PPM1E: variants seen among roughly 807,000 people sequenced by gnomAD.
The protein encoded by PPM1E is protein phosphatase, Mg2+/Mn2+ dependent 1E.
A neutral mutation model predicts 65.9 loss-of-function variants in PPM1E; 20 were observed. That is an observed-to-expected ratio of 0.30 (90% confidence interval 0.21 to 0.44). PPM1E has a LOEUF of 0.44. Among genes scored for constraint, PPM1E ranks in the 20% least tolerant of loss-of-function variants. PPM1E has a pLI of 1.00. For synonymous variants in PPM1E, 352 were observed against 374.9 expected (o/e 0.94, Z 0.70); for missense variants, 713 against 953.1 (o/e 0.75, Z 3.32).
chr17:58,836,893 G>A (rs562907895), intron 1 of PPM1E, among the ~76,000 whole-genome samples: 9 of 149,972 alleles, frequency 6.0e-5, no homozygotes, highest in Non-Finnish European at 7.4e-5. Context: ...GGTGGCGCGC[G>A]CCTGTAGTCC....
At chr17:58,973,666 A>G (rs1285430093) in intron 6 of PPM1E, among the ~76,000 whole-genome samples, 1 of 151,014 alleles carries the variant, frequency 6.6e-6, no homozygotes, top group African/African-American at 2.4e-5. Flanking sequence ...AACAAAAAAA[A>G]CAAAGGCCGG....
chr17:58,978,302 T>A (rs1309918740), intron 6 of PPM1E, among the ~76,000 whole-genome samples: 1 of 152,174 alleles, frequency 6.6e-6, no homozygotes, highest in Admixed American at 6.5e-5. Context: ...TTTGTAAATA[T>A]CTGGAGTTTA....
At chr17:58,840,176 A>G (rs1484984988) in intron 1 of PPM1E, among the ~76,000 whole-genome samples, 2 of 152,214 alleles carry the variant, frequency 1.3e-5, no homozygotes, top group Non-Finnish European at 2.9e-5. Flanking sequence ...TTCCCCCAGC[A>G]ACAATCTGTG....
chr17:58,774,827 G>A (rs1044259311), intron 1 of PPM1E, among the ~76,000 whole-genome samples: 6 of 151,670 alleles, frequency 4.0e-5, no homozygotes, highest in African/African-American at 1.5e-4. Context: ...GCTATAGCAA[G>A]CAAGTAATAT....
chr17:58,855,698 A>T (rs956471464), intron 1 of PPM1E, among the ~76,000 whole-genome samples: 1 of 152,214 alleles, frequency 6.6e-6, no homozygotes, highest in Non-Finnish European at 1.5e-5. Flanking sequence ...AATTTTTTAA[A>T]TATATAGGGA....
intron 1 of PPM1E, among the ~76,000 whole-genome samples, chr17:58,930,245 G>GTA (rs67876600): frequency 0.34 from 49,321 of 143,652 alleles, 8,877 homozygotes; most frequent in Middle Eastern, 0.44. Context: ...TAAATTAAAT[G>GTA]TATATACACA....
chr17:58,840,294 GT>G (rs1023791033), intron 1 of PPM1E, among the ~76,000 whole-genome samples: 5 of 152,190 alleles, frequency 3.3e-5, no homozygotes, highest in Admixed American at 2.6e-4. Context: ...TCACATGGCT[GT>G]TTTTTGTTAC....
chr17:58,932,816 A>G (rs1183632195), intron 1 of PPM1E, among the ~76,000 whole-genome samples: 1 of 152,230 alleles, frequency 6.6e-6, no homozygotes, highest in Non-Finnish European at 1.5e-5. Context: ...AGGAAAAACA[A>G]AATACAGTCA....
intron 1 of PPM1E, among the ~76,000 whole-genome samples, chr17:58,898,075 C>G (rs967096482): frequency 1.3e-5 from 2 of 151,936 alleles, no homozygotes; most frequent in African/African-American, 4.8e-5. Context: ...CATGGTGAAA[C>G]TCCGTCTCTA....
intron 6 of PPM1E, among the ~76,000 whole-genome samples, chr17:58,973,951 CAAAAAAAAAA>C (rs34819561): frequency 3.1e-4 from 17 of 55,498 alleles, no homozygotes; most frequent in East Asian, 5.2e-4. Context: ...GACTCCATCT[CAAAAAAAAAA>C]AAAAAAAAAA....
intron 1 of PPM1E, among the ~76,000 whole-genome samples, chr17:58,941,007 G>A (rs1050651342): frequency 7.2e-5 from 11 of 152,006 alleles, no homozygotes; most frequent in Admixed American, 3.9e-4. Context: ...CACCACACCC[G>A]GCCCAGATCA....
intron 1 of PPM1E, among the ~76,000 whole-genome samples, chr17:58,954,360 A>C (rs1265942538): frequency 6.6e-6 from 1 of 152,206 alleles, no homozygotes; most frequent in African/African-American, 2.4e-5. Context: ...TCAAAGCAAT[A>C]ATTTAATTCA....
At chr17:58,816,358 G>C (rs1166123386) in intron 1 of PPM1E, among the ~76,000 whole-genome samples, 2 of 151,870 alleles carry the variant, frequency 1.3e-5, no homozygotes, top group East Asian at 3.9e-4. Flanking sequence ...TAAAGAGAAG[G>C]AAATACTTTC....
chr17:58,756,103 G>GAACCCC lies in PPM1E; in HGVS notation c.111_112insCAACCC (p.Pro37_Glu38insGlnPro), dbSNP rs760293134. On this transcript the variant is annotated inframe_insertion, in exon 1 of 7. Coordinates refer to ENST00000308249, the MANE Select transcript of PPM1E (RefSeq NM_014906.5). ...CGGCGGCGAGCCGGAGCCGGAACCC[G>GAACCCC]AACCCGAACCCGAACCCGAACCCGA... 2 of 1,601,564 alleles carry GAACCCC rather than the reference G, an allele frequency of 1.2e-6. No individual in the cohort carries two copies. Among genetic ancestry groups the GAACCCC allele is most frequent in the South Asian group, 1.1e-5 (1 of 89,560 alleles).
At chr17:58,922,619 AT>A (rs775060955) in intron 1 of PPM1E, among the ~76,000 whole-genome samples, 14 of 149,820 alleles carry the variant, frequency 9.3e-5, no homozygotes, top group Non-Finnish European at 1.3e-4. Flanking sequence ...CCTATTGAGA[AT>A]TTTTTTTTAT....
At position 58,972,257 on chromosome 17, in the gene PPM1E, A is replaced by T; in HGVS notation, c.1098A>T (p.Pro366=). ...GCCAAGCTGTTGAACTAATGAAGCC[A>T]CACAAACCAGACAGAGAGGTAAGTA... ...RKGQAVELMK[P]HKPDREDEKQ... is the part of the protein sequence containing the mutation. The change falls in exon 5 of 7, where the codon CCA becomes CCT. Residue 366 remains proline (P), a synonymous_variant. Transcript: ENST00000308249. The T allele has an allele frequency of 2.5e-6, 4 of 1,614,092 alleles. No homozygotes were observed. The highest frequency in any genetic ancestry group is 3.4e-6 in the Non-Finnish European group (4 of 1,179,972).
chr17:58,782,046 G>T (rs542266330), intron 1 of PPM1E, among the ~76,000 whole-genome samples: 1 of 152,056 alleles, frequency 6.6e-6, no homozygotes, highest in South Asian at 2.1e-4. Flanking sequence ...TTAAATGAAG[G>T]GTACTGTTGC....
intron 6 of PPM1E, among the ~76,000 whole-genome samples, chr17:58,976,852 A>G (rs1297775359): frequency 6.6e-6 from 1 of 152,190 alleles, no homozygotes; most frequent in Non-Finnish European, 1.5e-5. Flanking sequence ...TTTTGGGAAC[A>G]GTGTGACTCA....
intron 1 of PPM1E, among the ~76,000 whole-genome samples, chr17:58,911,848 T>C (rs995116684): frequency 6.6e-6 from 1 of 152,182 alleles, no homozygotes; most frequent in African/African-American, 2.4e-5. Flanking sequence ...AGGTACTTTT[T>C]TTAAGAGAGT....
Sources: allele counts gnomAD v4.1 joint callset (sites outside exome capture counted in the v4.1 genomes callset), GRCh38; gene constraint gnomAD v4.1.1; transcripts MANE v1.5; gene names NCBI Gene and HGNC (gene_info 2026-07-23, HGNC 2026-07-21).